CALN1: variants seen among roughly 807,000 people sequenced by gnomAD.
CALN1 encodes the protein calneuron 1.
CALN1 carries 17 observed loss-of-function variants against 30.6 expected under a neutral mutation model. The observed-to-expected ratio is 0.56, with a 90% CI of 0.38 to 0.83. The LOEUF is 0.83. Among genes scored for constraint, CALN1 ranks in the 40% least tolerant of loss-of-function variants. CALN1 has a pLI of 0.00. For synonymous variants in CALN1, 156 were observed against 131.4 expected (o/e 1.19, Z -1.28); for missense variants, 291 against 354.9 (o/e 0.82, Z 1.45).
At chr7:71,863,213 C>T (rs7795642) in intron 5 of CALN1, among the ~76,000 whole-genome samples, 2,736 of 152,004 alleles carry the variant, frequency 0.018, 57 homozygotes, top group African/African-American at 0.063. Context: ...GAGCCATGAT[C>T]GCACCACTGC....
intron 3 of CALN1, among the ~76,000 whole-genome samples, chr7:72,265,455 A>G (rs1489033367): frequency 6.6e-6 from 1 of 152,178 alleles, no homozygotes; most frequent in Non-Finnish European, 1.5e-5. Flanking sequence ...TGAAGCCAAC[A>G]TCGGAATGAT....
the CALN1 span, among the ~76,000 whole-genome samples, chr7:72,457,111 C>T: frequency 2.5e-4 from 37 of 149,068 alleles, no homozygotes; most frequent in African/African-American, 8.4e-4. Context: ...CGGGTTCAAG[C>T]GATTCTCTTG....
chr7:71,990,467 C>CT (rs998150098), intron 5 of CALN1, among the ~76,000 whole-genome samples: 97 of 147,410 alleles, frequency 6.6e-4, no homozygotes, highest in African/African-American at 6.4e-4. Flanking sequence ...AATTCATTTA[C>CT]TTTTTTTTTT....
chr7:71,905,237 C>A (rs1794066990), intron 5 of CALN1, among the ~76,000 whole-genome samples: 1 of 152,014 alleles, frequency 6.6e-6, no homozygotes, highest in African/African-American at 2.4e-5. Context: ...TCGTGCCTGG[C>A]CTATTTATTT....
chr7:72,101,180 G>A (rs534992686), intron 4 of CALN1, among the ~76,000 whole-genome samples: 2 of 152,128 alleles, frequency 1.3e-5, no homozygotes, highest in South Asian at 4.1e-4. Flanking sequence ...TGGTGAGGCT[G>A]GTCTCAAACT....
intron 2 of CALN1, among the ~76,000 whole-genome samples, chr7:72,397,996 C>T (rs544529426): frequency 1.3e-5 from 2 of 152,020 alleles, no homozygotes; most frequent in Non-Finnish European, 2.9e-5. Context: ...CCGATGAGTT[C>T]GGCACCACTG....
At chr7:71,813,617 A>G (rs1788089402) in intron 5 of CALN1, among the ~76,000 whole-genome samples, 1 of 152,154 alleles carries the variant, frequency 6.6e-6, no homozygotes. Flanking sequence ...AAAAGACACT[A>G]TAACTGTTCC....
chr7:72,438,822 G>C lies in CALN1; in HGVS notation c.-226+8220C>G, dbSNP rs999069019. 3.9e-5 allele frequency among the ~76,000 whole-genome samples: 6 copies of C among 152,122 alleles called. No individual in the cohort carries two copies. In the East Asian group the frequency reaches 1.2e-3, roughly 29 times the overall value. The stretch of plus-strand genomic sequence containing the variant: ...CGATGCCAAATAGCTGCCACTCTTC[G>C]CCTTAGCTTATAAGTTTATATTTTA... On this transcript the variant is annotated intron_variant, in intron 1 of 6. Coordinates refer to the CALN1 transcript ENST00000395276.
chr7:72,288,003 A>G (rs1414082303), intron 2 of CALN1, among the ~76,000 whole-genome samples: 1 of 152,164 alleles, frequency 6.6e-6, no homozygotes, highest in African/African-American at 2.4e-5. Flanking sequence ...GGTATATAAT[A>G]AATTACCCCT....
At chr7:72,218,722 G>A (rs180884180) in intron 3 of CALN1, among the ~76,000 whole-genome samples, 287 of 152,312 alleles carry the variant, frequency 1.9e-3, no homozygotes, top group Non-Finnish European at 4.7e-4. Context: ...GGAACCCTGG[G>A]AGAGTAGGGA....
intron 5 of CALN1, among the ~76,000 whole-genome samples, chr7:71,930,215 T>C (rs1175775887): frequency 6.6e-6 from 1 of 152,242 alleles, no homozygotes; most frequent in Non-Finnish European, 1.5e-5. Flanking sequence ...AACCCACGGA[T>C]ACAGAGTGCC....
intron 2 of CALN1, among the ~76,000 whole-genome samples, chr7:72,326,311 G>A (rs922438537): frequency 1.3e-5 from 2 of 152,170 alleles, no homozygotes; most frequent in Non-Finnish European, 2.9e-5. Context: ...TAGCTAGTGG[G>A]TTACATACCT....
intron 3 of CALN1, among the ~76,000 whole-genome samples, chr7:72,229,965 AC>A (rs1207891584): frequency 6.6e-6 from 1 of 151,552 alleles, no homozygotes; most frequent in Non-Finnish European, 1.5e-5. Context: ...ACAGGGTGAA[AC>A]CCCGTCTCTA....
intron 3 of CALN1, among the ~76,000 whole-genome samples, chr7:72,142,840 C>T (rs1302724966): frequency 6.6e-6 from 1 of 152,118 alleles, no homozygotes; most frequent in Non-Finnish European, 1.5e-5. Flanking sequence ...TCTGCAGCCT[C>T]CGCTACTGAT....
intron 1 of CALN1, among the ~76,000 whole-genome samples, chr7:72,408,491 C>T: frequency 6.6e-6 from 1 of 151,616 alleles, no homozygotes; most frequent in East Asian, 1.9e-4. Flanking sequence ...ACTCTCTAGA[C>T]GTGAAGGTCA....
intron 5 of CALN1, among the ~76,000 whole-genome samples, chr7:71,931,318 T>C (rs1274711737): frequency 1.3e-5 from 2 of 151,990 alleles, no homozygotes; most frequent in African/African-American, 2.4e-5. Flanking sequence ...CAGGCTAGAG[T>C]GCAGTGGAGT....
chr7:72,277,284 C>A (rs1797398762), intron 3 of CALN1, among the ~76,000 whole-genome samples: 1 of 152,220 alleles, frequency 6.6e-6, no homozygotes, highest in Admixed American at 6.5e-5. Flanking sequence ...CAAGACACCA[C>A]CCAAGGGCAG....
intron 4 of CALN1, among the ~76,000 whole-genome samples, chr7:72,083,256 G>T (rs1387094927): frequency 1.3e-5 from 2 of 152,100 alleles, no homozygotes; most frequent in African/African-American, 4.8e-5. Context: ...CACAGAAGCA[G>T]ACTTAAAAGA....
At position 71,841,038 on chromosome 7, in the gene CALN1, T is replaced by C. The variant is rs991806014; in HGVS notation, c.502-30546A>G. Reference sequence around the variant, plus strand: ...GATAGCCTAGAGCTCTTCATTATCTTAGTGGAGACGTTTTGCAAACAACCA... The same window carrying C: ...GATAGCCTAGAGCTCTTCATTATCTCAGTGGAGACGTTTTGCAAACAACCA... On this transcript the variant is annotated intron_variant, in intron 5 of 6. Transcript: ENST00000395275. Among the ~76,000 whole-genome samples, 6 of 152,120 alleles carry C rather than the reference T, an allele frequency of 3.9e-5. No homozygotes were observed. The South Asian group carries it at 1.2e-3, about 32-fold the overall frequency.
Sources: gnomAD v4.1 joint callset for allele counts (sites outside exome capture counted in the v4.1 genomes callset) on GRCh38, gnomAD v4.1.1 for gene constraint, MANE v1.5 for transcripts, NCBI Gene and HGNC (gene_info 2026-07-23, HGNC 2026-07-21) for gene names.